MMEL1: variants seen among roughly 807,000 people sequenced by gnomAD.
MMEL1 encodes the protein membrane metallo-endopeptidase-like 1.
In MMEL1, 98 loss-of-function variants were observed where a neutral mutation model predicts 117.1. That is an observed-to-expected ratio of 0.84 (90% CI 0.71 to 0.99). The LOEUF is 0.99. Ranked by LOEUF, MMEL1 falls within the 50% of genes least tolerant of loss-of-function variation. MMEL1 has a pLI of 0.00. For synonymous variants in MMEL1, 390 were observed against 415.1 expected, an observed-to-expected ratio of 0.94 and a Z score of 0.74; for missense variants, 1,014 against 1,049.1, an observed-to-expected ratio of 0.97 and a Z score of 0.46.
chr1:2,593,350 C>T (rs1021167956), intron 19 of MMEL1, among the ~76,000 whole-genome samples: 4 of 152,204 alleles, frequency 2.6e-5, no homozygotes, highest in South Asian at 2.1e-4. Flanking sequence ...TCCGGATGGC[C>T]GAGCCACAGG....
At chr1:2,606,168 C>T in intron 8 of MMEL1, 80 bp downstream of exon 8, 1 of 1,159,870 alleles carries the variant, frequency 8.6e-7, no homozygotes, top group East Asian at 2.3e-5. Context: ...TCGGCCTGGC[C>T]CATCCTTCTG....
At position 2,606,252 on chromosome 1, in the gene MMEL1, A is replaced by T. The variant is rs2100942848; in HGVS notation, c.746T>A (p.Ile249Asn). The change falls in exon 8 of 24, where the codon ATC (isoleucine) becomes AAC (asparagine). Residue 249 changes from isoleucine (I) to asparagine (N), a missense_variant. Physicochemically the swap from Ile to Asn is moderately radical, Grantham distance 149. Coordinates refer to ENST00000378412, the MANE Select transcript of MMEL1 (RefSeq NM_033467.4). ...NDDQNSSRHI[I>N]YIDQPTLGMP... ...GCCCACCGGCGCGGCTCGTACGTAG[A>T]TGATGTGCCGGCTGGAGTTCTGGTC... 1 of 1,613,124 alleles carries T rather than the reference A, an allele frequency of 6.2e-7. No homozygotes were observed. Among genetic ancestry groups the T allele is most frequent in the East Asian group, 2.2e-5 (1 of 44,874 alleles).
intron 4 of MMEL1, among the ~76,000 whole-genome samples, chr1:2,610,518 C>T (rs760129692): frequency 6.6e-5 from 10 of 152,208 alleles, no homozygotes; most frequent in South Asian, 2.1e-4. Flanking sequence ...CCTGGCTGTC[C>T]GCCAGGGCCT....
At chr1:2,627,748 T>C (rs886442964) in intron 2 of MMEL1, among the ~76,000 whole-genome samples, 1 of 152,190 alleles carries the variant, frequency 6.6e-6, no homozygotes, top group Non-Finnish European at 1.5e-5. Context: ...AAATAAATGA[T>C]AATAACTGCT....
At position 2,609,341 on chromosome 1, in the gene MMEL1, T is replaced by C; in HGVS notation, c.533A>G (p.Gln178Arg). 6.2e-7 allele frequency: 1 copy of C among 1,610,816 alleles called. No homozygotes were observed. Among genetic ancestry groups the C allele is most frequent in the Non-Finnish European group, 8.5e-7 (1 of 1,179,018 alleles). ...CCTTCCTGGCGGCCCCCACTCACTC[T>C]GGTTCATGCAGGAGCGGTACAGCGT... Reference protein sequence around the residue: ...ARTLYRSCMNQSVIEKRGSQP... With the variant: ...ARTLYRSCMNRSVIEKRGSQP... Residue 178 changes from glutamine (Q) to arginine (R), a missense_variant and splice_region_variant, in exon 6 of 24, where the codon CAG (glutamine) becomes CGG (arginine). Transcript: ENST00000378412.
intron 17 of MMEL1, 90 bp from the exon 18 acceptor site, chr1:2,594,533 G>A (rs575122477): frequency 2.8e-6 from 4 of 1,444,140 alleles, no homozygotes; most frequent in Non-Finnish European, 3.8e-6. Flanking sequence ...GGCCTACCCT[G>A]GCCACACCAG....
At chr1:2,627,823 G>A (rs1638343047) in intron 2 of MMEL1, among the ~76,000 whole-genome samples, 1 of 152,212 alleles carries the variant, frequency 6.6e-6, no homozygotes, top group African/African-American at 2.4e-5. Context: ...ATTCCTGGTG[G>A]GGGGTCTTGA....
chr1:2,617,429 A>AAAAAG, intron 2 of MMEL1, among the ~76,000 whole-genome samples: 1 of 136,756 alleles, frequency 7.3e-6, no homozygotes, highest in African/African-American at 2.8e-5. Context: ...TCCGTCTCAA[A>AAAAAG]AAAAAAAAAA....
At chr1:2,620,259 T>A (rs1176196111) in intron 2 of MMEL1, among the ~76,000 whole-genome samples, 1 of 151,680 alleles carries the variant, frequency 6.6e-6, no homozygotes, top group Non-Finnish European at 1.5e-5. Flanking sequence ...GCAAGGGGAG[T>A]CAGAAGGCAT....
rs1644982461 is a variant in MMEL1, at chr1:2,604,162, C to T, written c.936G>A (p.Glu312=). 7.3e-7 allele frequency: 1 copy of T among 1,369,126 alleles called. No individual in the cohort carries two copies. Among genetic ancestry groups the T allele is most frequent in the Non-Finnish European group, 1.0e-6 (1 of 981,838 alleles). The allele number at this position is 1,369,126 out of a possible 1,614,324, so 84.8% of individuals were successfully genotyped here. A position where few individuals can be genotyped will look rare whatever the true frequency, so the allele number is the denominator to read the frequency against. ...GCCCCCTTACCTTGGCCAGCTGTGT[C>T]TCCAGCTCCAGCACCTGCACCATGT... ...QEDMVQVLEL[E]TQLAKATVPQ... is the part of the protein sequence containing the mutation. Residue 312 remains glutamate, a synonymous_variant, in exon 10 of 24, where the codon GAG becomes GAA. Transcript: ENST00000378412.
chr1:2,608,663 C>T (rs142229932), intron 6 of MMEL1, among the ~76,000 whole-genome samples: 5 of 151,880 alleles, frequency 3.3e-5, no homozygotes, highest in Non-Finnish European at 1.5e-5. Flanking sequence ...ACACAACACA[C>T]CCATAGAATA....
intron 20 of MMEL1, 30 bp downstream of exon 20, chr1:2,592,803 C>A: frequency 3.1e-6 from 5 of 1,612,482 alleles, no homozygotes; most frequent in Non-Finnish European, 4.2e-6. Context: ...CCGGTACCCC[C>A]GCAGCCTGGG....
intron 13 of MMEL1, 128 bp downstream of exon 13, chr1:2,598,078 CG>C (rs1227947030): frequency 7.3e-6 from 6 of 827,236 alleles, no homozygotes; most frequent in Non-Finnish European, 1.2e-5. Context: ...CTGGGGTGGG[CG>C]CCTCGCCCTG....
chr1:2,596,796 A>AGGGTGCCCCGGGGCTAGCGGGGGCAC, intron 13 of MMEL1, 107 bp from the exon 14 acceptor site: 1 of 1,392,118 alleles, frequency 7.2e-7, no homozygotes. Context: ...CCTCAGCCTC[A>AGGGTGCCCCGGGGCTAGCGGGGGCAC]GGGTGCCCCG....
intron 2 of MMEL1, 48 bp downstream of exon 2, chr1:2,629,283 G>A (rs1380391876): frequency 6.7e-7 from 1 of 1,500,676 alleles, no homozygotes; most frequent in South Asian, 1.2e-5. Context: ...CGGGGCGAGC[G>A]CGGAGAGCGG....
intron 2 of MMEL1, 36 bp downstream of exon 2, chr1:2,629,295 C>A (rs1209063084): frequency 6.6e-7 from 1 of 1,513,578 alleles, no homozygotes; most frequent in African/African-American, 1.4e-5. Context: ...GGAGAGCGGG[C>A]ACGGGGACAG....
Position 2,594,812 on chromosome 1 carries a change from G to A in MMEL1, c.1666C>T (p.Arg556Trp), listed in dbSNP as rs769641868. ...VGAQRSLRKL[R>W]EKVDPNLWII... Reference sequence around the variant, plus strand: ...CACAGATTTGGGTCCACCTTTTCCCGAAGCTTCCTGAGGCTCCGCTGGGCG... The same window carrying A: ...CACAGATTTGGGTCCACCTTTTCCCAAAGCTTCCTGAGGCTCCGCTGGGCG... Residue 556 changes from arginine to tryptophan, a missense_variant, in exon 17 of 24, where the codon CGG becomes TGG. By Grantham distance (101) the Arg-to-Trp change is moderately radical. Transcript: ENST00000378412. The A allele has an allele frequency of 2.5e-6, 4 of 1,613,716 alleles. No homozygotes were observed. Among genetic ancestry groups the A allele is most frequent in the Middle Eastern group, 1.6e-4 (1 of 6,080 alleles).
chr1:2,610,241 G>A (rs1235636678), intron 4 of MMEL1, among the ~76,000 whole-genome samples: 1 of 152,014 alleles, frequency 6.6e-6, no homozygotes, highest in African/African-American at 2.4e-5. Flanking sequence ...ACAGGGTCTC[G>A]CTGTGTTGCC....
At chr1:2,596,423 C>A in intron 14 of MMEL1, 138 bp downstream of exon 14, 7 of 1,272,548 alleles carry the variant, frequency 5.5e-6, no homozygotes, top group Non-Finnish European at 7.5e-6. Flanking sequence ...GTGGGCACGG[C>A]TTCCCTTAGC....
Sources: allele counts gnomAD v4.1 joint callset (sites outside exome capture counted in the v4.1 genomes callset), GRCh38; gene constraint gnomAD v4.1.1; transcripts MANE v1.5; gene names NCBI Gene and HGNC (gene_info 2026-07-23, HGNC 2026-07-21).